Variants in TENM1 observed in about 807,000 individuals in gnomAD.
TENM1 encodes the protein teneurin transmembrane protein 1.
In TENM1, 35 loss-of-function variants were observed where a neutral mutation model predicts 174.8. The ratio of observed to expected loss-of-function variants is 0.20; its 90% CI spans 0.15 to 0.27. The LOEUF (loss-of-function observed/expected upper bound fraction) is 0.27, where lower values mean the gene tolerates loss of function less well. Among genes scored for constraint, TENM1 ranks in the 10% least tolerant of loss-of-function variants. The probability of loss-of-function intolerance (pLI) is 1.00; values close to 1 mark genes in which losing one functional copy is unlikely to be tolerated. For missense variants in TENM1, 1,633 were observed against 2,130.1 expected, an observed-to-expected ratio of 0.77 and a Z score of 4.59; for synonymous variants, 781 against 798.7, an observed-to-expected ratio of 0.98 and a Z score of 0.37.
At chrX:125,139,638 C>G in the TENM1 span, among the ~76,000 whole-genome samples, 1 of 110,947 alleles carries the variant, frequency 9.0e-6, no homozygotes, top group Non-Finnish European at 1.9e-5. Flanking sequence ...TTGAGAGCTG[C>G]TATATCACAA....
intron 3 of TENM1, among the ~76,000 whole-genome samples, chrX:124,741,682 G>A (rs2053802977): frequency 8.9e-6 from 1 of 112,053 alleles, no homozygotes; most frequent in South Asian, 3.7e-4. Context: ...TTGTGAAGTG[G>A]TGAAAAGGAA....
At chrX:124,815,233 G>A (rs1426834880) in intron 3 of TENM1, among the ~76,000 whole-genome samples, 1 of 111,588 alleles carries the variant, frequency 9.0e-6, no homozygotes, top group Non-Finnish European at 1.9e-5. Flanking sequence ...AAACCAATGT[G>A]CATAAAATAA....
At chrX:124,571,940 A>G (rs2049061924) in intron 11 of TENM1, among the ~76,000 whole-genome samples, 1 of 109,103 alleles carries the variant, frequency 9.2e-6, no homozygotes, top group African/African-American at 3.4e-5. Context: ...AAAATAGGGT[A>G]AGAAAAGGAG....
At chrX:124,731,550 T>C (rs1462402694) in intron 4 of TENM1, among the ~76,000 whole-genome samples, 1 of 111,642 alleles carries the variant, frequency 9.0e-6, no homozygotes, top group Non-Finnish European at 1.9e-5. Context: ...AAACATTGGC[T>C]TTAGTTTTCA....
chrX:124,606,807 C>T (rs2050169143), intron 11 of TENM1, among the ~76,000 whole-genome samples: 1 of 111,589 alleles, frequency 9.0e-6, no homozygotes, highest in South Asian at 3.7e-4. Flanking sequence ...GCTTTAATTT[C>T]TTTGTTTATT....
the TENM1 span, among the ~76,000 whole-genome samples, chrX:125,061,818 C>T: frequency 9.0e-6 from 1 of 111,280 alleles, no homozygotes; most frequent in Non-Finnish European, 1.9e-5. Flanking sequence ...GCAGGAGGAT[C>T]GCTTGAACCC....
intron 3 of TENM1, among the ~76,000 whole-genome samples, chrX:124,850,896 A>C (rs2056707363): frequency 8.9e-6 from 1 of 111,829 alleles, no homozygotes; most frequent in South Asian, 3.7e-4. Context: ...AACCACAGGC[A>C]TTTAGAATTG....
At chrX:124,832,130 C>T (rs2056303401) in intron 3 of TENM1, among the ~76,000 whole-genome samples, 1 of 111,475 alleles carries the variant, frequency 9.0e-6, no homozygotes, top group Non-Finnish European at 1.9e-5. Flanking sequence ...ATCCCTCCTC[C>T]CCCTCTTTTA....
At chrX:125,194,949 T>C in the TENM1 span, among the ~76,000 whole-genome samples, 1 of 112,254 alleles carries the variant, frequency 8.9e-6, no homozygotes, top group South Asian at 3.7e-4. Context: ...TTCTAATTAT[T>C]CCTCTACTAT....
At chrX:124,543,002 A>C (rs2048353887) in intron 15 of TENM1, among the ~76,000 whole-genome samples, 2 of 112,498 alleles carry the variant, frequency 1.8e-5, no homozygotes, top group South Asian at 3.7e-4. Context: ...CAAACACTTA[A>C]GATCTTTCCT....
the TENM1 span, among the ~76,000 whole-genome samples, chrX:125,160,221 A>AAAAAAG: frequency 3.8e-5 from 4 of 104,200 alleles, no homozygotes; most frequent in East Asian, 3.0e-4. Context: ...AAAAAAAAAG[A>AAAAAAG]AAAAAGAAAA....
the TENM1 span, among the ~76,000 whole-genome samples, chrX:124,979,856 C>G: frequency 9.0e-6 from 1 of 111,571 alleles, no homozygotes; most frequent in Non-Finnish European, 1.9e-5. Context: ...TGTGCATCTT[C>G]TTTGGGTTTT....
chrX:124,379,192 G>C (rs991397867), exon 32 of TENM1: 1 of 112,028 alleles, frequency 8.9e-6, no homozygotes, highest in African/African-American at 3.3e-5. Context: ...CAAATAACCC[G>C]TCCTGGAAAA....
the TENM1 span, among the ~76,000 whole-genome samples, chrX:125,077,445 A>C: frequency 2.6e-3 from 293 of 111,477 alleles, 3 homozygotes; most frequent in East Asian, 0.021. Context: ...TTTAGAGTAC[A>C]TTTCCTAGTT....
At chrX:125,173,690 T>C in the TENM1 span, among the ~76,000 whole-genome samples, 1 of 111,115 alleles carries the variant, frequency 9.0e-6, no homozygotes, top group Non-Finnish European at 1.9e-5. Context: ...CAAAAATATA[T>C]ACACCTGAAA....
chrX:124,619,791 T>C (rs1471643070), intron 11 of TENM1, among the ~76,000 whole-genome samples: 2 of 112,111 alleles, frequency 1.8e-5, no homozygotes, highest in Non-Finnish European at 3.8e-5. Context: ...CCCTTGCTAT[T>C]TAAAAAACTA....
Position 124,641,776 on chromosome X carries a change from T to C in TENM1, c.2077+15A>G, listed in dbSNP as rs1211874378. 17 of 1,189,797 alleles carry C rather than the reference T, an allele frequency of 1.4e-5. No homozygotes were observed. Among genetic ancestry groups the C allele is most frequent in the Non-Finnish European group, 1.9e-5 (17 of 877,574 alleles). The stretch of plus-strand genomic sequence containing the variant: ...TAAGAGTAGAGGAAGGAGAAGGAAA[T>C]TAACTCCACTACACCTGTTGAGCAG... On this transcript the variant is annotated intron_variant, in intron 11 of 31. Transcript: ENST00000422452.
chrX:124,905,258 C>A (rs1308497831), intron 1 of TENM1, among the ~76,000 whole-genome samples: 3 of 110,666 alleles, frequency 2.7e-5, no homozygotes, highest in Non-Finnish European at 5.7e-5. Context: ...TGAGGCTGCA[C>A]CACTGTTACT....
At chrX:124,999,142 A>G in the TENM1 span, among the ~76,000 whole-genome samples, 1 of 111,194 alleles carries the variant, frequency 9.0e-6, no homozygotes, top group Admixed American at 9.6e-5. Context: ...TTTCAAATCA[A>G]TAATAGCTTC....
Sources: allele counts gnomAD v4.1 joint callset (sites outside exome capture counted in the v4.1 genomes callset), GRCh38; gene constraint gnomAD v4.1.1; transcripts MANE v1.5; gene names NCBI Gene and HGNC (gene_info 2026-07-23, HGNC 2026-07-21).